The following APOOL variants were observed in gnomAD, a reference collection of about 807,000 sequenced individuals.
The protein encoded by APOOL is apolipoprotein O like, also known as MICOS complex subunit MIC27.
APOOL carries 12 observed loss-of-function variants against 23.1 expected under a neutral mutation model. The ratio of observed to expected loss-of-function variants is 0.52; its 90% CI spans 0.33 to 0.84. APOOL has a LOEUF of 0.84. Ranked by LOEUF, APOOL falls within the 40% of genes least tolerant of loss-of-function variation. The pLI is 0.02. For missense variants in APOOL, 212 were observed against 199.6 expected (o/e 1.06, Z -0.37); for synonymous variants, 77 against 69.9 (o/e 1.10, Z -0.51).
At position 85,070,177 on chromosome X, in the gene APOOL, A is replaced by T. The variant is rs754369379; in HGVS notation, c.486+2959A>T. 7.2e-5 allele frequency among the ~76,000 whole-genome samples: 8 copies of T among 111,648 alleles called. No individual in the cohort carries two copies. In the East Asian group the frequency reaches 2.2e-3, roughly 31 times the overall value. The stretch of plus-strand genomic sequence containing the variant: ...AAAAAAACATTTTATTAATCAGTCA[A>T]GTCTCCTAAAAGAATGTCAGGTGAG... On this transcript the variant is annotated intron_variant, in intron 6 of 8. Transcript: ENST00000373173.
intron 1 of APOOL, among the ~76,000 whole-genome samples, 171 bp downstream of exon 1, chrX:85,004,098 C>T (rs901009569): frequency 4.5e-4 from 50 of 111,326 alleles, no homozygotes; most frequent in African/African-American, 1.3e-3. Context: ...CCTGCCTTTC[C>T]CCATTAGGGT....
intron 1 of APOOL, among the ~76,000 whole-genome samples, chrX:85,004,565 C>T (rs1775966686): frequency 8.9e-6 from 1 of 111,996 alleles, no homozygotes; most frequent in Non-Finnish European, 1.9e-5. Context: ...CAGATATTTA[C>T]GTAGCGGGTT....
In APOOL at chrX:85,082,566, GA is replaced by G. The variant is rs774342450; in HGVS notation, c.719-5016del. The stretch of plus-strand genomic sequence containing the variant: ...ATTCTGCAAGCTAACAGTGACGGTT[GA>G]AAAAAAATCAAAGGGATAATATTTC... On this transcript the variant is annotated intron_variant, in intron 8 of 8. Coordinates refer to ENST00000373173, the MANE Select transcript of APOOL (RefSeq NM_198450.6). Among the ~76,000 whole-genome samples, 82 of 110,549 alleles carry G rather than the reference GA, an allele frequency of 7.4e-4. 1 individual carries two copies. The highest frequency in any genetic ancestry group is 2.6e-3 in the African/African-American group (78 of 30,443).
chrX:85,006,987 C>T (rs1322384210), intron 1 of APOOL, among the ~76,000 whole-genome samples: 1 of 110,866 alleles, frequency 9.0e-6, no homozygotes, highest in Non-Finnish European at 1.9e-5. Context: ...GCTTCAAAGG[C>T]CAGAGTTGGT....
At chrX:85,038,711 A>C (rs1196675959) in intron 1 of APOOL, among the ~76,000 whole-genome samples, 1 of 108,370 alleles carries the variant, frequency 9.2e-6, no homozygotes, top group African/African-American at 3.4e-5. Context: ...GGATTTCATA[A>C]TAGTTTCTGG....
chrX:85,040,850 A>G (rs1237742063), intron 1 of APOOL, among the ~76,000 whole-genome samples: 1 of 111,168 alleles, frequency 9.0e-6, no homozygotes. Context: ...GATGTTCTTC[A>G]TTCCTATCTA....
At chrX:85,013,598 G>C (rs909719518) in intron 1 of APOOL, among the ~76,000 whole-genome samples, 4 of 111,788 alleles carry the variant, frequency 3.6e-5, no homozygotes, top group African/African-American at 1.3e-4. Context: ...TTCATTAGTA[G>C]ATTATTTAAT....
At chrX:85,074,147 G>A in intron 7 of APOOL, 36 bp downstream of exon 7, 2 of 1,149,572 alleles carry the variant, frequency 1.7e-6, no homozygotes, top group Non-Finnish European at 2.3e-6. Flanking sequence ...TCAACATTGA[G>A]TTTTGTTTGG....
At chrX:85,083,608 G>T (rs1283341675) in intron 8 of APOOL, among the ~76,000 whole-genome samples, 2 of 111,719 alleles carry the variant, frequency 1.8e-5, no homozygotes, top group African/African-American at 6.5e-5. Context: ...ACTTTATAGT[G>T]ACTAGTGTCT....
chrX:85,019,199 G>A (rs975131723), intron 1 of APOOL, among the ~76,000 whole-genome samples: 1 of 111,995 alleles, frequency 8.9e-6, no homozygotes, highest in African/African-American at 3.3e-5. Flanking sequence ...TTGAATGTGG[G>A]TGTTCCCTTC....
In APOOL at chrX:85,090,807, G is replaced by C. The variant is rs1425584800; in HGVS notation, c.*3129G>C. On this transcript the variant is annotated 3_prime_UTR_variant, in exon 9 of 9. Coordinates refer to ENST00000373173, the MANE Select transcript of APOOL (RefSeq NM_198450.6). The stretch of plus-strand genomic sequence containing the variant: ...TTCCCTTTCTCAATCCTCCAGGGTA[G>C]AATTTAGATGTTCTGTCTTTTAGAG... 1 of 111,801 alleles carries C rather than the reference G, an allele frequency of 8.9e-6. No individual in the cohort carries two copies. Among genetic ancestry groups the C allele is most frequent in the Non-Finnish European group, 1.9e-5 (1 of 53,179 alleles). 9.2% of individuals were successfully genotyped at this position (111,801 alleles called of 1,213,427 possible). A position where few individuals can be genotyped will look rare whatever the true frequency, so the allele number is the denominator to read the frequency against.
At chrX:85,077,809 G>A (rs1415985837) in intron 8 of APOOL, among the ~76,000 whole-genome samples, 2 of 111,918 alleles carry the variant, frequency 1.8e-5, no homozygotes, top group Non-Finnish European at 3.8e-5. Context: ...TCTAACTGGT[G>A]TGAGATGGTA....
chrX:85,026,354 G>T lies in APOOL; in HGVS notation c.16-20092G>T, dbSNP rs927213432. 3.5e-5 allele frequency among the ~76,000 whole-genome samples: 4 copies of T among 112,988 alleles called. No individual in the cohort carries two copies. In the Admixed American group the frequency reaches 3.7e-4, roughly 10 times the overall value. On this transcript the variant is annotated intron_variant, in intron 1 of 8. Transcript: ENST00000373173. ...GGCCCCTGGGCCTGTGATGGGAGGG[G>T]CTGCTGCAAAAGTGTCTGAAATACC... is the stretch of plus-strand genomic sequence containing the variant.
intron 5 of APOOL, among the ~76,000 whole-genome samples, chrX:85,062,794 A>G (rs777549939): frequency 3.6e-5 from 4 of 111,676 alleles, no homozygotes; most frequent in Non-Finnish European, 7.5e-5. Context: ...GTCAGGTAGC[A>G]TGATGGCTCC....
At chrX:85,045,630 C>T (rs1330908645) in intron 1 of APOOL, among the ~76,000 whole-genome samples, 1 of 111,523 alleles carries the variant, frequency 9.0e-6, no homozygotes, top group African/African-American at 3.3e-5. Flanking sequence ...TTACAGTTGG[C>T]CTTGTTGAAT....
intron 8 of APOOL, among the ~76,000 whole-genome samples, chrX:85,086,733 T>C (rs867146143): frequency 1.4e-4 from 14 of 101,874 alleles, no homozygotes; most frequent in Non-Finnish European, 2.8e-4. Context: ...GGAGTCTCGC[T>C]GTGTCTCCCA....
chrX:85,017,422 G>A (rs1011187209), intron 1 of APOOL, among the ~76,000 whole-genome samples: 3 of 111,778 alleles, frequency 2.7e-5, no homozygotes, highest in African/African-American at 9.8e-5. Flanking sequence ...GCCATAAGTT[G>A]CCTTGCTAAG....
chrX:85,093,098 T>G lies in APOOL; in HGVS notation c.*5420T>G. 1.3e-4 allele frequency: 118 copies of G among 905,071 alleles called. No individual in the cohort carries two copies. The highest frequency in any genetic ancestry group is 1.7e-4 in the Non-Finnish European group (113 of 653,424). 74.6% of individuals were successfully genotyped at this position (905,071 alleles called of 1,213,427 possible). On this transcript the variant is annotated 3_prime_UTR_variant, in exon 9 of 9. Transcript: ENST00000373173. ...ATATGTTGGGGTTATGTTCAAATGGTGAGATTAATGATTTAATTTATGCCC... is the reference window on the plus strand; with the variant it reads ...ATATGTTGGGGTTATGTTCAAATGGGGAGATTAATGATTTAATTTATGCCC...
At chrX:85,060,700 GA>G (rs1274703148) in intron 5 of APOOL, among the ~76,000 whole-genome samples, 1 of 111,289 alleles carries the variant, frequency 9.0e-6, no homozygotes, top group Non-Finnish European at 1.9e-5. Context: ...TGGTGTATAA[GA>G]ATGCTTGTGA....
Sources: gnomAD v4.1 joint callset for allele counts (sites outside exome capture counted in the v4.1 genomes callset) on GRCh38, gnomAD v4.1.1 for gene constraint, MANE v1.5 for transcripts, NCBI Gene and HGNC (gene_info 2026-07-23, HGNC 2026-07-21) for gene names.